Variants in PSMD2 observed in about 807,000 individuals in gnomAD.
PSMD2 encodes the protein proteasome 26S subunit ubiquitin receptor, non-ATPase 2.
A neutral mutation model predicts 101.5 loss-of-function variants in PSMD2; 8 were observed. The observed-to-expected ratio is 0.08, with a 90% CI of 0.05 to 0.14. The LOEUF (loss-of-function observed/expected upper bound fraction) is 0.14. Among genes scored for constraint, PSMD2 ranks in the 10% least tolerant of loss-of-function variants. PSMD2 has a pLI of 1.00. For missense variants in PSMD2, 784 were observed against 1,147.4 expected, an observed-to-expected ratio of 0.68 and a Z score of 4.58; for synonymous variants, 418 against 433.8, an observed-to-expected ratio of 0.96 and a Z score of 0.45.
In PSMD2 at chr3:184,304,307, A is replaced by G. The variant is rs1311273820; in HGVS notation, c.1455A>G (p.Leu485=). 3 of 1,614,042 alleles carry G rather than the reference A, an allele frequency of 1.9e-6. No homozygotes were observed. The African/African-American group carries it at 4.0e-5, about 22-fold the overall frequency. Residue 485 remains leucine (L), a synonymous_variant, in exon 12 of 21, where the codon CTA becomes CTG. Transcript: ENST00000310118. This position sits in a 1 kb window ranked among gnomAD's most constrained non-coding sequence, Gnocchi z 4.1. ...CGCCTTTCCATGGCTTTTGCAGGCT[A>G]GGCTTGGCTTATGCTGGCTCAAATC... ...NTMRLGSIFG[L]GLAYAGSNRE...
chr3:184,306,476 C>T lies in PSMD2; in HGVS notation c.1931C>T (p.Ala644Val). ...GACAAGGACAAGAAGGAAGCCCCTG[C>T]TGACATGGGAGCACATCAGGTTATA... Reference protein sequence around the residue: ...KKDKDKKEAPADMGAHQGVAV... With the variant: ...KKDKDKKEAPVDMGAHQGVAV... Residue 644 changes from alanine (A) to valine (V), a missense_variant, in exon 15 of 21, where the codon GCT (alanine) becomes GTT (valine). Transcript: ENST00000310118. 6.2e-7 allele frequency: 1 copy of T among 1,613,848 alleles called. No individual in the cohort carries two copies. The highest frequency in any genetic ancestry group is 8.5e-7 in the Non-Finnish European group (1 of 1,179,866).
At chr3:184,299,799 G>C in intron 1 of PSMD2, 52 bp from the exon 2 acceptor site, 1 of 1,467,102 alleles carries the variant, frequency 6.8e-7, no homozygotes, top group Non-Finnish European at 9.5e-7. Context: ...AGTGGGAGGA[G>C]GACGTCTTTG....
chr3:184,303,286 T>G, intron 8 of PSMD2, 34 bp from the exon 9 acceptor site: 4 of 1,601,498 alleles, frequency 2.5e-6, no homozygotes, highest in Non-Finnish European at 2.6e-6. Flanking sequence ...CCTGAAACCT[T>G]CTTTCCTTAC....
intron 4 of PSMD2, 79 bp downstream of exon 4, chr3:184,301,737 C>G: frequency 6.2e-7 from 1 of 1,608,278 alleles, no homozygotes; most frequent in Non-Finnish European, 8.5e-7. Context: ...GGAGTACAAT[C>G]TGTCTTGGAG....
At chr3:184,300,253 G>A (rs368424759) in intron 2 of PSMD2, 27 bp from the exon 3 acceptor site, 3 of 1,593,264 alleles carry the variant, frequency 1.9e-6, no homozygotes, top group Non-Finnish European at 2.6e-6. Context: ...ACTCCTTTTT[G>A]TCTGAGCCCT....
At position 184,304,443 on chromosome 3, in the gene PSMD2, C is replaced by G; in HGVS notation, c.1539+52C>G. 1 of 1,535,382 alleles carries G rather than the reference C, an allele frequency of 6.5e-7. No individual in the cohort carries two copies. The highest frequency in any genetic ancestry group is 1.4e-5 in the African/African-American group (1 of 73,274). ...AGTAAGTAGGGAAGGTGCTTTGAGT[C>G]TTACTTTCTGTGATAAATAATGAAA... On this transcript the variant is annotated intron_variant, in intron 12 of 20. Transcript: ENST00000310118. This position sits in a 1 kb window ranked among gnomAD's most constrained non-coding sequence, Gnocchi z 4.1.
Position 184,303,075 on chromosome 3 carries a change from C to T in PSMD2, c.1069+13C>T. On this transcript the variant is annotated intron_variant, in intron 8 of 20. Transcript: ENST00000310118. ...CTAGAGAACAACAGTGAGTAGCCCTCTCTGTGTATGGGATTTGGGGGATTG... is the reference window on the plus strand; with the variant it reads ...CTAGAGAACAACAGTGAGTAGCCCTTTCTGTGTATGGGATTTGGGGGATTG... The T allele has an allele frequency of 1.2e-6, 2 of 1,612,344 alleles. No homozygotes were observed. The highest frequency in any genetic ancestry group is 8.5e-7 in the Non-Finnish European group (1 of 1,178,434).
At chr3:184,300,166 T>C in intron 2 of PSMD2, 114 bp from the exon 3 acceptor site, 1 of 1,156,104 alleles carries the variant, frequency 8.6e-7, no homozygotes, top group East Asian at 2.4e-5. Context: ...GAATCACAGA[T>C]GAATGAATAA....
intron 4 of PSMD2, 49 bp from the exon 5 acceptor site, chr3:184,301,798 G>C: frequency 6.2e-7 from 1 of 1,612,474 alleles, no homozygotes; most frequent in Non-Finnish European, 8.5e-7. Flanking sequence ...CCACAGAGAA[G>C]TGCTTCCCCT....
chr3:184,303,773 A>C lies in PSMD2; in HGVS notation c.1323+24A>C, dbSNP rs367725157. On this transcript the variant is annotated intron_variant, in intron 10 of 20. Transcript: ENST00000310118. ...AGGTTGGTCTGCATACAGCCTGCTC[A>C]TGGGGACTTCCCCGTTCCATATTCT... is the stretch of plus-strand genomic sequence containing the variant. 5 of 1,611,600 alleles carry C rather than the reference A, an allele frequency of 3.1e-6. No individual in the cohort carries two copies. In the African/African-American group the frequency reaches 4.0e-5, roughly 13 times the overall value.
In PSMD2 at chr3:184,303,740, C is replaced by G. The variant is rs373839346; in HGVS notation, c.1314C>G (p.Asp438Glu). The change falls in exon 10 of 21, where the codon GAC (aspartate) becomes GAG (glutamate). Residue 438 changes from aspartate to glutamate, a missense_variant. By Grantham distance (45) the Asp-to-Glu change is conservative. Coordinates refer to ENST00000310118, the MANE Select transcript of PSMD2 (RefSeq NM_002808.5). The stretch of plus-strand genomic sequence containing the variant: ...ACAAGTACCTGTACTCCTCTGAGGA[C>G]TACATTAAGGTTGGTCTGCATACAG... ...QIDKYLYSSE[D>E]YIKSGALLAC... 8.9e-5 allele frequency: 144 copies of G among 1,613,990 alleles called. No individual in the cohort carries two copies. Among genetic ancestry groups the G allele is most frequent in the Non-Finnish European group, 1.1e-4 (134 of 1,179,952 alleles).
At position 184,302,007 on chromosome 3, in the gene PSMD2, G is replaced by C. The variant is rs749475591; in HGVS notation, c.640G>C (p.Val214Leu). 1.2e-6 allele frequency: 2 copies of C among 1,614,256 alleles called. No individual in the cohort carries two copies. The highest frequency in any genetic ancestry group is 1.3e-5 in the African/African-American group (1 of 75,072). ...ACDLLMEIEQ[V>L]DMLEKDIDEN... ...CGACCTGCTTATGGAAATTGAGCAG[G>C]TGGACATGCTGGAGAAGGACATTGA... The change falls in exon 5 of 21, where the codon GTG (valine) becomes CTG (leucine). Residue 214 changes from valine (V) to leucine (L), a missense_variant. Coordinates refer to ENST00000310118, the MANE Select transcript of PSMD2 (RefSeq NM_002808.5).
chr3:184,304,046 A>C lies in PSMD2; in HGVS notation c.1423A>C (p.Asn475His). 1 of 1,614,198 alleles carries C rather than the reference A, an allele frequency of 6.2e-7. No homozygotes were observed. The highest frequency in any genetic ancestry group is 8.5e-7 in the Non-Finnish European group (1 of 1,180,020). ...LLSDYVLHNS[N>H]TMRLGSIFGL... ...CTCAGACTATGTTCTCCACAACAGCAACACCATGAGACTTGGTTCCATCTT... is the reference window on the plus strand; with the variant it reads ...CTCAGACTATGTTCTCCACAACAGCCACACCATGAGACTTGGTTCCATCTT... The change falls in exon 11 of 21, where the codon AAC becomes CAC. Residue 475 changes from asparagine (N) to histidine (H), a missense_variant. By Grantham distance (68) the Asn-to-His change is moderately conservative (BLOSUM62 1). This residue lies in a region of PSMD2 where 282 missense variants were observed against 437.6 expected (regional missense o/e 0.64). Coordinates refer to ENST00000310118, the MANE Select transcript of PSMD2 (RefSeq NM_002808.5). The surrounding 1 kb of genome is among the most constrained non-coding windows in gnomAD (Gnocchi z 4.1).
In PSMD2 at chr3:184,308,792, G is replaced by A. The variant is rs761164232; in HGVS notation, c.2629G>A (p.Gly877Arg). 1.4e-5 allele frequency: 23 copies of A among 1,613,834 alleles called. No individual in the cohort carries two copies. Among genetic ancestry groups the A allele is most frequent in the East Asian group, 2.2e-5 (1 of 44,900 alleles). ...TACAACCCCAGTGTTGTTGGCCCAC[G>A]GGGAACGGGCAGAATTGGCCACTGA... is the stretch of plus-strand genomic sequence containing the variant. ...THTTPVLLAH[G>R]ERAELATEEF... The change falls in exon 21 of 21, where the codon GGG becomes AGG. Residue 877 changes from glycine to arginine, a missense_variant. Around this residue, in one of 6 missense-constraint regions of PSMD2, gnomAD observed 28 missense variants for 80.8 expected, o/e 0.35. Transcript: ENST00000310118. This position sits in a 1 kb window ranked among gnomAD's most constrained non-coding sequence, Gnocchi z 6.0.
chr3:184,308,334 G>A lies in PSMD2; in HGVS notation c.2426-115G>A. 2 of 891,184 alleles carry A rather than the reference G, an allele frequency of 2.2e-6. No individual in the cohort carries two copies. The highest frequency in any genetic ancestry group is 1.7e-6 in the Non-Finnish European group (1 of 575,474). The allele number at this position is 891,184 out of a possible 1,614,324, so 55.2% of individuals were successfully genotyped here. A position where few individuals can be genotyped will look rare whatever the true frequency, so the allele number is the denominator to read the frequency against. ...GTAGGGTGTATGAGGGGAGGAGTGT[G>A]GATTCAGTCGTATGACTGACGGGTT... On this transcript the variant is annotated intron_variant, in intron 19 of 20. Coordinates refer to ENST00000310118, the MANE Select transcript of PSMD2 (RefSeq NM_002808.5). The surrounding 1 kb of genome is among the most constrained non-coding windows in gnomAD (Gnocchi z 6.0).
intron 3 of PSMD2, chr3:184,300,805 T>G (rs1721616022): frequency 2.6e-6 from 1 of 388,702 alleles, no homozygotes; most frequent in Admixed American, 5.5e-5. Context: ...CCTGGAAATG[T>G]TCAGTTTTTG....
chr3:184,300,393 C>G lies in PSMD2; in HGVS notation c.306C>G (p.His102Gln). Residue 102 changes from histidine to glutamine, a missense_variant, in exon 3 of 21, where the codon CAC (histidine) becomes CAG (glutamine). This residue lies in a region of PSMD2 where 196 missense variants were observed against 182.4 expected (regional missense o/e 1.07). Coordinates refer to ENST00000310118, the MANE Select transcript of PSMD2 (RefSeq NM_002808.5). ...VPKPLKFLRP[H>Q]YGKLKEIYEN... Reference sequence around the variant, plus strand: ...AGCCTCTCAAATTTCTGCGTCCACACTATGGCAAACTGAAGGAAATCTATG... The same window carrying G: ...AGCCTCTCAAATTTCTGCGTCCACAGTATGGCAAACTGAAGGAAATCTATG... The G allele has an allele frequency of 6.2e-7, 1 of 1,614,116 alleles. No individual in the cohort carries two copies. Among genetic ancestry groups the G allele is most frequent in the Non-Finnish European group, 8.5e-7 (1 of 1,179,970 alleles).
rs1030282519 is a variant in PSMD2, at chr3:184,304,721, A to T, written c.1539+330A>T. ...GGCAAGATTGTGAAACCCCATTTCTACCAAAAAATAAACAGAAAAATTAGC... is the reference window on the plus strand; with the variant it reads ...GGCAAGATTGTGAAACCCCATTTCTTCCAAAAAATAAACAGAAAAATTAGC... On this transcript the variant is annotated intron_variant, in intron 12 of 20. Coordinates refer to ENST00000310118, the MANE Select transcript of PSMD2 (RefSeq NM_002808.5). This position sits in a 1 kb window ranked among gnomAD's most constrained non-coding sequence, Gnocchi z 4.1. Among the ~76,000 whole-genome samples, 2 of 152,008 alleles carry T rather than the reference A, an allele frequency of 1.3e-5. No individual in the cohort carries two copies. Among genetic ancestry groups the T allele is most frequent in the African/African-American group, 2.4e-5 (1 of 41,368 alleles).
chr3:184,308,463 T>C lies in PSMD2; in HGVS notation c.2440T>C (p.Ser814Pro). 1 of 1,608,716 alleles carries C rather than the reference T, an allele frequency of 6.2e-7. No homozygotes were observed. The highest frequency in any genetic ancestry group is 8.5e-7 in the Non-Finnish European group (1 of 1,178,636). ...LDVRNIILGK[S>P]HYVLYGLVAA... The stretch of plus-strand genomic sequence containing the variant: ...GCTTCCCTCAGTTATTCTAGGCAAA[T>C]CACACTATGTATTGTATGGGCTGGT... Residue 814 changes from serine (S) to proline (P), a missense_variant, in exon 20 of 21, where the codon TCA becomes CCA. Ser to Pro is a moderately conservative substitution (Grantham distance 74). Transcript: ENST00000310118. This position sits in a 1 kb window ranked among gnomAD's most constrained non-coding sequence, Gnocchi z 6.0.
Sources: gnomAD v4.1 joint callset for allele counts (sites outside exome capture counted in the v4.1 genomes callset) on GRCh38, gnomAD v4.1.1 for gene constraint, gnomAD v4.1.1 regional missense constraint, Gnocchi (gnomAD v3.1) non-coding constraint, MANE v1.5 for transcripts, NCBI Gene and HGNC (gene_info 2026-07-23, HGNC 2026-07-21) for gene names.